ABR: variants seen among roughly 807,000 people sequenced by gnomAD.
The protein encoded by ABR is ABR activator of RhoGEF and GTPase.
In ABR, 35 loss-of-function variants were observed where a neutral mutation model predicts 107.2. That is an observed-to-expected ratio of 0.33 (90% CI 0.25 to 0.43). The LOEUF (loss-of-function observed/expected upper bound fraction) is 0.43, where lower values mean the gene tolerates loss of function less well. Ranked by LOEUF, ABR falls within the 20% of genes least tolerant of loss-of-function variation. The pLI is 1.00. For missense variants in ABR, 815 were observed against 1,115.2 expected (o/e 0.73, Z 3.83); for synonymous variants, 498 against 462.0 (o/e 1.08, Z -1.00).
chr17:1,058,463 C>T lies in ABR; in HGVS notation c.1305+282G>A, dbSNP rs1009052106. On this transcript the variant is annotated intron_variant, in intron 11 of 22. Coordinates refer to ENST00000302538, the MANE Select transcript of ABR (RefSeq NM_021962.5). ...CCCAAAGCTCCTCCTTATCCAGGCACAGCTGACCTTGCAGGAGGAGGCAGC... is the reference window on the plus strand; with the variant it reads ...CCCAAAGCTCCTCCTTATCCAGGCATAGCTGACCTTGCAGGAGGAGGCAGC... Among the ~76,000 whole-genome samples the T allele has an allele frequency of 4.6e-5, 7 of 152,204 alleles. No individual in the cohort carries two copies. The East Asian group carries it at 7.7e-4, about 17-fold the overall frequency.
chr17:1,073,609 G>A lies in ABR; in HGVS notation c.753+16C>T, dbSNP rs902450711. ...CTCCTAAGCCCTCTCTGGCCATTCG[G>A]AGGCTTGACACTCACGTGTAGGACT... is the stretch of plus-strand genomic sequence containing the variant. On this transcript the variant is annotated intron_variant, in intron 7 of 22. Coordinates refer to ENST00000302538, the MANE Select transcript of ABR (RefSeq NM_021962.5). The A allele has an allele frequency of 6.4e-7, 1 of 1,562,996 alleles. No homozygotes were observed. Among genetic ancestry groups the A allele is most frequent in the South Asian group, 1.2e-5 (1 of 84,196 alleles).
rs2070779454 is a variant in ABR at position 1,013,152 on chromosome 17, T to C, written c.1804A>G (p.Thr602Ala). The change falls in exon 17 of 23, where the codon ACC (threonine) becomes GCC (alanine). Residue 602 changes from threonine (T) to alanine (A), a missense_variant. Physicochemically the swap from Thr to Ala is moderately conservative, Grantham distance 58 (BLOSUM62 0). Transcript: ENST00000302538. The stretch of plus-strand genomic sequence containing the variant: ...GTGTGCCAGTTCTTGGTCTCCACGG[T>C]TTGTGGGTCCAGCTGCAGAGAGAGA... ...GKGQIQLDPQ[T>A]VETKNWHTDV... 4 of 1,613,904 alleles carry C rather than the reference T, an allele frequency of 2.5e-6. No homozygotes were observed. Among genetic ancestry groups the C allele is most frequent in the Non-Finnish European group, 3.4e-6 (4 of 1,179,980 alleles).
chr17:1,076,542 C>T (rs1219301019), intron 6 of ABR, among the ~76,000 whole-genome samples: 2 of 152,098 alleles, frequency 1.3e-5, no homozygotes, highest in Admixed American at 6.6e-5. Context: ...CGGCTCCCCG[C>T]AGCCCTCTCT....
chr17:1,136,750 G>A (rs930340079), intron 1 of ABR, among the ~76,000 whole-genome samples: 3 of 152,154 alleles, frequency 2.0e-5, no homozygotes, highest in African/African-American at 4.8e-5. Flanking sequence ...TGCAGAGTGC[G>A]AGGGCCTTGC....
At chr17:1,205,130 G>A (rs2042765591) in intron 1 of ABR, among the ~76,000 whole-genome samples, 1 of 151,968 alleles carries the variant, frequency 6.6e-6, no homozygotes, top group Non-Finnish European at 1.5e-5. Flanking sequence ...TCAAACTCCT[G>A]ACCTCAGGTG....
chr17:1,101,793 G>C (rs557045837), intron 2 of ABR, among the ~76,000 whole-genome samples: 6 of 151,500 alleles, frequency 4.0e-5, no homozygotes, highest in Non-Finnish European at 7.4e-5. Flanking sequence ...GAGTGCAGTG[G>C]CGCGATCTCG....
At chr17:1,106,011 G>T (rs1352271024) in intron 2 of ABR, among the ~76,000 whole-genome samples, 2 of 152,124 alleles carry the variant, frequency 1.3e-5, no homozygotes, top group African/African-American at 4.8e-5. Flanking sequence ...AAATAGAATG[G>T]CATGAAACAT....
At chr17:1,207,646 T>A in intron 1 of ABR, among the ~76,000 whole-genome samples, 1 of 106,434 alleles carries the variant, frequency 9.4e-6, no homozygotes, top group African/African-American at 3.3e-5. Flanking sequence ...CGAAACTCCG[T>A]CTCAAAAAAA....
chr17:1,136,748 G>T (rs1210854992), intron 1 of ABR, among the ~76,000 whole-genome samples: 2 of 152,192 alleles, frequency 1.3e-5, no homozygotes, highest in Admixed American at 1.3e-4. Context: ...CTTGCAGAGT[G>T]CGAGGGCCTT....
rs2069879922 is a variant in ABR, at chr17:1,004,493, G to A, written c.*1587C>T. Reference sequence around the variant, plus strand: ...CCAGCCCTGAGGGCCCGGAAACGACGCTCTGCCACACAGAAGAGCCGGGGA... The same window carrying A: ...CCAGCCCTGAGGGCCCGGAAACGACACTCTGCCACACAGAAGAGCCGGGGA... On this transcript the variant is annotated 3_prime_UTR_variant, in exon 23 of 23. Transcript: ENST00000302538. 1.3e-5 allele frequency: 2 copies of A among 152,712 alleles called. No homozygotes were observed. The highest frequency in any genetic ancestry group is 1.9e-4 in the East Asian group (1 of 5,188). 9.5% of individuals were successfully genotyped at this position (152,712 alleles called of 1,614,324 possible).
intron 16 of ABR, among the ~76,000 whole-genome samples, chr17:1,033,244 A>C (rs1408419611): frequency 3.3e-5 from 5 of 152,162 alleles, no homozygotes; most frequent in African/African-American, 1.2e-4. Context: ...TTCTCCTCAG[A>C]GGCCTTGGTG....
intron 1 of ABR, among the ~76,000 whole-genome samples, chr17:1,130,520 C>A (rs2039780172): frequency 6.6e-6 from 1 of 152,152 alleles, no homozygotes; most frequent in African/African-American, 2.4e-5. Flanking sequence ...GTGGTCTGCA[C>A]CTGCTCCACC....
intron 16 of ABR, among the ~76,000 whole-genome samples, chr17:1,043,326 C>G (rs1208132053): frequency 6.6e-6 from 1 of 152,066 alleles, no homozygotes; most frequent in Non-Finnish European, 1.5e-5. Context: ...CACCACCACG[C>G]CCGGCTAATT....
chr17:1,051,635 G>A lies in ABR; in HGVS notation c.1562-1001C>T, dbSNP rs1597558179. On this transcript the variant is annotated intron_variant, in intron 14 of 22. Transcript: ENST00000302538. The surrounding 1 kb of genome is among the most constrained non-coding windows in gnomAD (Gnocchi z 4.3). The stretch of plus-strand genomic sequence containing the variant: ...CCGAGGTTGTTCCCAGGGTACCAGA[G>A]GTGGTGTGGGAGGTGCCTTTGGGAC... 6.6e-6 allele frequency among the ~76,000 whole-genome samples: 1 copy of A among 152,184 alleles called. No homozygotes were observed. Among genetic ancestry groups the A allele is most frequent in the South Asian group, 2.1e-4 (1 of 4,834 alleles).
intron 10 of ABR, among the ~76,000 whole-genome samples, chr17:1,061,899 A>T (rs1331601366): frequency 6.6e-6 from 1 of 152,216 alleles, no homozygotes; most frequent in Non-Finnish European, 1.5e-5. Context: ...ACAGAAGAAA[A>T]TAGCGCTGTC....
intron 21 of ABR, among the ~76,000 whole-genome samples, chr17:1,009,178 T>C (rs1443218533): frequency 4.7e-5 from 3 of 64,172 alleles, no homozygotes; most frequent in African/African-American, 1.3e-4. Flanking sequence ...CCCCCACTGC[T>C]GTCCATCCCC....
rs34109118 is a variant in ABR, at chr17:1,079,221, G to A, written c.700+109C>T. On this transcript the variant is annotated intron_variant, in intron 6 of 22. Transcript: ENST00000302538. ...CTCACACACGCTCACGCTCACACGC[G>A]CTCACACACACGCACACACAAGGGG... is the stretch of plus-strand genomic sequence containing the variant. 62 of 1,511,452 alleles carry A rather than the reference G, an allele frequency of 4.1e-5. 2 individuals are homozygous for A. In the South Asian group the frequency reaches 5.9e-4, roughly 14 times the overall value. The allele number at this position is 1,511,452 out of a possible 1,614,324, so 93.6% of individuals were successfully genotyped here. A position where few individuals can be genotyped will look rare whatever the true frequency, so the allele number is the denominator to read the frequency against.
intron 2 of ABR, among the ~76,000 whole-genome samples, chr17:1,102,021 C>T (rs867374861): frequency 1.3e-5 from 2 of 152,140 alleles, no homozygotes; most frequent in Admixed American, 6.5e-5. Context: ...GTGTGAGCCA[C>T]CGCACCCTGC....
intron 16 of ABR, among the ~76,000 whole-genome samples, chr17:1,026,924 C>CT (rs1389932326): frequency 4.7e-5 from 7 of 147,586 alleles, no homozygotes; most frequent in East Asian, 2.0e-4. Context: ...GGCTTGGGGG[C>CT]GCTTCCAAAA....
Sources: gnomAD v4.1 joint callset for allele counts (sites outside exome capture counted in the v4.1 genomes callset) on GRCh38, gnomAD v4.1.1 for gene constraint, Gnocchi (gnomAD v3.1) non-coding constraint, MANE v1.5 for transcripts, NCBI Gene and HGNC (gene_info 2026-07-23, HGNC 2026-07-21) for gene names.